Variants in AGAP1 observed in about 807,000 individuals in gnomAD.
AGAP1 encodes the protein arf-GAP with GTPase, ANK repeat and PH domain-containing protein 1.
Under a neutral mutation model 105.3 loss-of-function variants are expected in AGAP1, and 29 were observed. The observed-to-expected ratio is 0.28, with a 90% CI of 0.21 to 0.38. AGAP1 has a LOEUF of 0.38. Among genes scored for constraint, AGAP1 ranks in the 10% least tolerant of loss-of-function variants. AGAP1 has a pLI of 1.00. For synonymous variants in AGAP1, 509 were observed against 485.9 expected (o/e 1.05, Z -0.63); for missense variants, 998 against 1,165.1 (o/e 0.86, Z 2.09).
rs191201620 is a variant in AGAP1, at chr2:235,801,649, G to A, written c.957+2127G>A. ...GCTAGAACAGGCTGCACAGTGACTC[G>A]GTGGCTTGAGAAACCAATAGCCAAA... On this transcript the variant is annotated intron_variant, in intron 8 of 17. Transcript: ENST00000304032. The surrounding 1 kb of genome is among the most constrained non-coding windows in gnomAD (Gnocchi z 6.0). Among the ~76,000 whole-genome samples the A allele has an allele frequency of 6.2e-3, 942 of 152,262 alleles. 5 individuals are homozygous for A. Among genetic ancestry groups the A allele is most frequent in the African/African-American group, 0.022 (903 of 41,554 alleles).
Position 235,888,332 on chromosome 2 carries a change from G to C in AGAP1, c.1155+4883G>C, listed in dbSNP as rs942951881. Among the ~76,000 whole-genome samples the C allele has an allele frequency of 6.6e-6, 1 of 152,092 alleles. No homozygotes were observed. Among genetic ancestry groups the C allele is most frequent in the African/African-American group, 2.4e-5 (1 of 41,422 alleles). On this transcript the variant is annotated intron_variant, in intron 10 of 17. Coordinates refer to ENST00000304032, the MANE Select transcript of AGAP1 (RefSeq NM_001037131.3). The surrounding 1 kb of genome is among the most constrained non-coding windows in gnomAD (Gnocchi z 4.8). ...TGTGACACAGGGATGTTCAGGCATA[G>C]TAGCTGATGTCAGAGGATTGCCTGT...
At chr2:235,812,992 C>G (rs970396301) in intron 9 of AGAP1, among the ~76,000 whole-genome samples, 1 of 152,154 alleles carries the variant, frequency 6.6e-6, no homozygotes, top group South Asian at 2.1e-4. Flanking sequence ...ATATTCAGCC[C>G]GGTTCACAAC....
At chr2:235,765,600 G>A (rs988083280) in intron 6 of AGAP1, among the ~76,000 whole-genome samples, 2 of 152,156 alleles carry the variant, frequency 1.3e-5, no homozygotes, top group African/African-American at 4.8e-5. Flanking sequence ...CCTGGGCTGA[G>A]CAATCGCTTC....
rs548963511 is a variant in AGAP1, at chr2:236,045,257, A to C, written c.1892-3802A>C. 7.2e-5 allele frequency among the ~76,000 whole-genome samples: 11 copies of C among 152,116 alleles called. No homozygotes were observed. Among genetic ancestry groups the C allele is most frequent in the African/African-American group, 2.7e-4 (11 of 41,500 alleles). On this transcript the variant is annotated intron_variant, in intron 15 of 17. Transcript: ENST00000304032. The surrounding 1 kb of genome is among the most constrained non-coding windows in gnomAD (Gnocchi z 6.9). ...TTCCTGCTTGGTCTGTCCTCATAGA[A>C]TCTACGTCCTGCATTTCTGTGGGCA... is the stretch of plus-strand genomic sequence containing the variant.
At chr2:235,539,435 T>A (rs1294012951) in intron 1 of AGAP1, among the ~76,000 whole-genome samples, 1 of 152,224 alleles carries the variant, frequency 6.6e-6, no homozygotes, top group Non-Finnish European at 1.5e-5. Flanking sequence ...AGCGCTGCCT[T>A]GTGAGGGGTG....
chr2:235,603,346 G>T (rs1210299799), intron 1 of AGAP1, among the ~76,000 whole-genome samples: 3 of 152,168 alleles, frequency 2.0e-5, no homozygotes, highest in Non-Finnish European at 4.4e-5. Flanking sequence ...CCAGCCTAGG[G>T]TATGCCTTTA....
Position 235,494,579 on chromosome 2 carries a change from G to C in AGAP1, c.-108G>C, listed in dbSNP as rs1264777189. The C allele has an allele frequency of 7.8e-6, 2 of 257,218 alleles. No homozygotes were observed. Among genetic ancestry groups the C allele is most frequent in the Non-Finnish European group, 1.2e-5 (2 of 172,220 alleles). The allele number at this position is 257,218 out of a possible 1,614,324, so 15.9% of individuals were successfully genotyped here. The stretch of plus-strand genomic sequence containing the variant: ...CGCCTCCTCCGCCCGCCGCCGGCGG[G>C]CCCGGCTCCCCGGGGGCTGCGGCGC... On this transcript the variant is annotated 5_prime_UTR_variant, in exon 1 of 18. Coordinates refer to ENST00000304032, the MANE Select transcript of AGAP1 (RefSeq NM_001037131.3).
At chr2:235,618,751 A>T (rs527306747) in intron 1 of AGAP1, among the ~76,000 whole-genome samples, 2 of 152,356 alleles carry the variant, frequency 1.3e-5, no homozygotes, top group African/African-American at 4.8e-5. Context: ...ACAAAAGCAG[A>T]AATCAAAACC....
At chr2:235,834,731 CA>C (rs1209859673) in intron 9 of AGAP1, among the ~76,000 whole-genome samples, 1 of 152,134 alleles carries the variant, frequency 6.6e-6, no homozygotes, top group African/African-American at 2.4e-5. Flanking sequence ...AAAAGGTCAG[CA>C]AGAGCGAGAG....
At chr2:235,526,752 G>A (rs1942856204) in intron 1 of AGAP1, among the ~76,000 whole-genome samples, 1 of 152,192 alleles carries the variant, frequency 6.6e-6, no homozygotes, top group South Asian at 2.1e-4. Context: ...TTGCCACCCT[G>A]AGTTTGGAAA....
In AGAP1 at chr2:236,053,066, G is replaced by C. The variant is rs567753563; in HGVS notation, c.2114+3785G>C. Among the ~76,000 whole-genome samples, 1 of 152,172 alleles carries C rather than the reference G, an allele frequency of 6.6e-6. No homozygotes were observed. Among genetic ancestry groups the C allele is most frequent in the Non-Finnish European group, 1.5e-5 (1 of 68,046 alleles). ...TTGTGCGTGTGTGCGGTACCATAAC[G>C]TAGCGTGTTGTAGGGCGTCGAGCAG... On this transcript the variant is annotated intron_variant, in intron 16 of 17. Transcript: ENST00000304032. The surrounding 1 kb of genome is among the most constrained non-coding windows in gnomAD (Gnocchi z 4.6).
intron 13 of AGAP1, among the ~76,000 whole-genome samples, chr2:236,026,453 G>A (rs73121859): frequency 0.26 from 38,840 of 152,196 alleles, 6,148 homozygotes; most frequent in African/African-American, 0.45. Context: ...GACACGCCGG[G>A]CACGGTTGCT....
At chr2:236,024,162 C>T (rs1001383396) in intron 13 of AGAP1, among the ~76,000 whole-genome samples, 4 of 151,506 alleles carry the variant, frequency 2.6e-5, no homozygotes, top group Non-Finnish European at 5.9e-5. Flanking sequence ...TCCCAAGTAG[C>T]TGGGACTACA....
rs1420081502 is a variant in AGAP1 at position 235,557,352 on chromosome 2, A to G, written c.163+62503A>G. 6.6e-6 allele frequency among the ~76,000 whole-genome samples: 1 copy of G among 152,004 alleles called. No individual in the cohort carries two copies. Among genetic ancestry groups the G allele is most frequent in the Non-Finnish European group, 1.5e-5 (1 of 68,008 alleles). On this transcript the variant is annotated intron_variant, in intron 1 of 17. Coordinates refer to ENST00000304032, the MANE Select transcript of AGAP1 (RefSeq NM_001037131.3). This position sits in a 1 kb window ranked among gnomAD's most constrained non-coding sequence, Gnocchi z 4.7. ...TCACCGCGTGTTGATTTTATTTAAG[A>G]CTGGAAAGGCTTGTCCATGTATCGC... is the stretch of plus-strand genomic sequence containing the variant.
At position 235,958,333 on chromosome 2, in the gene AGAP1, G is replaced by T. The variant is rs2054035376; in HGVS notation, c.1484-10129G>T. The stretch of plus-strand genomic sequence containing the variant: ...AGATCTGACCCGGGAGAGGATTAGG[G>T]CCCTGCTAACGGCAGCAGTAACAGC... On this transcript the variant is annotated intron_variant, in intron 12 of 17. Transcript: ENST00000304032. The surrounding 1 kb of genome is among the most constrained non-coding windows in gnomAD (Gnocchi z 4.1). Among the ~76,000 whole-genome samples, 2 of 152,054 alleles carry T rather than the reference G, an allele frequency of 1.3e-5. No individual in the cohort carries two copies. Among genetic ancestry groups the T allele is most frequent in the African/African-American group, 4.8e-5 (2 of 41,404 alleles).
chr2:236,095,070 G>T lies in AGAP1; in HGVS notation c.2115-25122G>T, dbSNP rs1241706312. 2.0e-5 allele frequency among the ~76,000 whole-genome samples: 3 copies of T among 151,634 alleles called. No homozygotes were observed. Among genetic ancestry groups the T allele is most frequent in the Non-Finnish European group, 4.4e-5 (3 of 67,970 alleles). On this transcript the variant is annotated intron_variant, in intron 16 of 17. Transcript: ENST00000304032. This position sits in a 1 kb window ranked among gnomAD's most constrained non-coding sequence, Gnocchi z 4.1. ...GCCCTGATCAAGCCATTGTACTTTA[G>T]CCTTGGTGAGAGTGAGACACTGTCT...
rs115821316 is a variant in AGAP1, at chr2:235,888,322, T to C, written c.1155+4873T>C. On this transcript the variant is annotated intron_variant, in intron 10 of 17. Transcript: ENST00000304032. This position sits in a 1 kb window ranked among gnomAD's most constrained non-coding sequence, Gnocchi z 4.8. ...TTTCTCCCTCTGTGACACAGGGATGTTCAGGCATAGTAGCTGATGTCAGAG... is the reference window on the plus strand; with the variant it reads ...TTTCTCCCTCTGTGACACAGGGATGCTCAGGCATAGTAGCTGATGTCAGAG... Among the ~76,000 whole-genome samples, 7,713 of 152,046 alleles carry C rather than the reference T, an allele frequency of 0.051. 385 individuals carry two copies. The highest frequency in any genetic ancestry group is 0.13 in the African/African-American group (5,279 of 41,450).
intron 9 of AGAP1, chr2:235,852,843 T>A: frequency 2.0e-6 from 3 of 1,467,802 alleles, no homozygotes; most frequent in Non-Finnish European, 2.7e-6. Context: ...TCCGGGGCCA[T>A]GATGAATTAG....
At chr2:235,564,415 C>G (rs1252799413) in intron 1 of AGAP1, among the ~76,000 whole-genome samples, 2 of 152,214 alleles carry the variant, frequency 1.3e-5, no homozygotes, top group Non-Finnish European at 2.9e-5. Context: ...ATTTTAGTTG[C>G]TCAGGCCAAA....
Sources: allele counts gnomAD v4.1 joint callset (sites outside exome capture counted in the v4.1 genomes callset), GRCh38; gene constraint gnomAD v4.1.1; non-coding constraint Gnocchi (gnomAD v3.1); transcripts MANE v1.5; gene names NCBI Gene and HGNC (gene_info 2026-07-23, HGNC 2026-07-21).